Variants in CNKSR2 observed in about 807,000 individuals in gnomAD.
CNKSR2 encodes the protein connector enhancer of kinase suppressor of Ras 2, also known as CNK homolog protein 2.
CNKSR2 carries 14 observed loss-of-function variants against 84.4 expected under a neutral mutation model. The observed-to-expected ratio is 0.17, with a 90% confidence interval of 0.11 to 0.26. The LOEUF is 0.26. CNKSR2 is among the 10% of genes least tolerant of loss of function. CNKSR2 has a pLI of 1.00. For synonymous variants in CNKSR2, 275 were observed against 277.9 expected (o/e 0.99, Z 0.10); for missense variants, 485 against 771.2 (o/e 0.63, Z 4.40).
chrX:21,583,078 G>A (rs2092362921), intron 13 of CNKSR2, among the ~76,000 whole-genome samples: 1 of 111,415 alleles, frequency 9.0e-6, no homozygotes, highest in Non-Finnish European at 1.9e-5. Context: ...GCTTATTTTT[G>A]AGTAAGTGTG....
intron 4 of CNKSR2, among the ~76,000 whole-genome samples, chrX:21,453,071 A>T (rs2090956273): frequency 9.1e-6 from 1 of 110,494 alleles, no homozygotes; most frequent in Non-Finnish European, 1.9e-5. Flanking sequence ...TAATATCTTC[A>T]TCTTTTATTT....
intron 1 of CNKSR2, among the ~76,000 whole-genome samples, chrX:21,411,021 T>G (rs2090338232): frequency 9.0e-6 from 1 of 110,926 alleles, no homozygotes; most frequent in South Asian, 3.8e-4. Context: ...TCTGCAGTAC[T>G]TTTATACTAA....
chrX:21,484,957 G>C (rs1418179810), intron 5 of CNKSR2, among the ~76,000 whole-genome samples: 2 of 111,531 alleles, frequency 1.8e-5, no homozygotes, highest in African/African-American at 6.5e-5. Flanking sequence ...GCCAAGGCAG[G>C]CGAATCATGA....
chrX:21,516,722 T>C, intron 9 of CNKSR2, 91 bp downstream of exon 9: 8 of 826,011 alleles, frequency 9.7e-6, no homozygotes. Flanking sequence ...CTCAGCAGCA[T>C]ATGGATTAAT....
intron 6 of CNKSR2, chrX:21,495,627 A>G (rs2054922399): frequency 9.5e-6 from 1 of 105,426 alleles, no homozygotes; most frequent in African/African-American, 3.5e-5. Context: ...TACTAAAAAT[A>G]CAAAAATTAG....
At chrX:21,490,229 T>C (rs1039603106) in intron 5 of CNKSR2, among the ~76,000 whole-genome samples, 2 of 111,765 alleles carry the variant, frequency 1.8e-5, no homozygotes, top group African/African-American at 6.5e-5. Context: ...CCATAACTAA[T>C]GAATATTTTG....
intron 4 of CNKSR2, among the ~76,000 whole-genome samples, chrX:21,469,853 A>G (rs919854619): frequency 9.0e-5 from 10 of 110,981 alleles, no homozygotes; most frequent in African/African-American, 3.0e-4. Context: ...TGGAGGTTGC[A>G]GTGAGCCGAG....
At chrX:21,523,283 A>T (rs1418594555) in intron 9 of CNKSR2, among the ~76,000 whole-genome samples, 1 of 111,088 alleles carries the variant, frequency 9.0e-6, no homozygotes, top group Non-Finnish European at 1.9e-5. Flanking sequence ...TTGATTACAT[A>T]CCACAGAAGA....
intron 20 of CNKSR2, chrX:21,637,153 T>A (rs1473295972): frequency 1.8e-5 from 2 of 111,809 alleles, no homozygotes; most frequent in Non-Finnish European, 3.8e-5. Flanking sequence ...TGTGATAGAC[T>A]CCTGGATAAG....
intron 14 of CNKSR2, 74 bp downstream of exon 14, chrX:21,590,694 C>T: frequency 2.9e-6 from 3 of 1,049,872 alleles, no homozygotes; most frequent in East Asian, 6.2e-5. Context: ...CATCCATGCC[C>T]TCTTTCTTGC....
At chrX:21,452,966 T>C (rs1295032317) in intron 4 of CNKSR2, among the ~76,000 whole-genome samples, 1 of 109,622 alleles carries the variant, frequency 9.1e-6, no homozygotes, top group Non-Finnish European at 1.9e-5. Context: ...GTGCAATATA[T>C]GGTTTCTCTT....
At position 21,547,259 on chromosome X, in the gene CNKSR2, A is replaced by G. The variant is rs766806016; in HGVS notation, c.1304-14212A>G. Among the ~76,000 whole-genome samples, 3 of 110,563 alleles carry G rather than the reference A, an allele frequency of 2.7e-5. No homozygotes were observed. In the South Asian group the frequency reaches 1.2e-3, roughly 43 times the overall value. On this transcript the variant is annotated intron_variant, in intron 11 of 21. Coordinates refer to ENST00000379510, the MANE Select transcript of CNKSR2 (RefSeq NM_014927.5). ...ATTTACCAAGCAAATGGAAAGCAAG[A>G]AAAAAAAAGCAGGAGTTGCAATCCT...
At chrX:21,644,389 T>A (rs1462898390) in intron 20 of CNKSR2, 2 of 112,365 alleles carry the variant, frequency 1.8e-5, no homozygotes, top group East Asian at 5.5e-4. Flanking sequence ...ATTGGTTTAC[T>A]TATTTGTTTT....
At chrX:21,394,062 T>C (rs1409249593) in intron 1 of CNKSR2, among the ~76,000 whole-genome samples, 2 of 112,170 alleles carry the variant, frequency 1.8e-5, no homozygotes, top group African/African-American at 3.2e-5. Context: ...TTTGTATGTG[T>C]GTTTAATTCA....
At chrX:21,437,594 A>AT (rs1391340735) in intron 3 of CNKSR2, among the ~76,000 whole-genome samples, 2 of 108,115 alleles carry the variant, frequency 1.8e-5, no homozygotes, top group African/African-American at 6.7e-5. Flanking sequence ...TAATTTTTGT[A>AT]TTTTTAGAAG....
At chrX:21,411,636 C>T (rs1430134796) in intron 1 of CNKSR2, among the ~76,000 whole-genome samples, 1 of 110,847 alleles carries the variant, frequency 9.0e-6, no homozygotes, top group Non-Finnish European at 1.9e-5. Flanking sequence ...TCTTTCCTCC[C>T]TCTTTGGCTA....
intron 9 of CNKSR2, among the ~76,000 whole-genome samples, chrX:21,523,948 A>G (rs1460045293): frequency 9.0e-6 from 1 of 110,655 alleles, no homozygotes. Flanking sequence ...ATAATTTTAA[A>G]TTATCACAAA....
At chrX:21,455,151 A>G (rs1256697125) in intron 4 of CNKSR2, among the ~76,000 whole-genome samples, 1 of 111,821 alleles carries the variant, frequency 8.9e-6, no homozygotes, top group African/African-American at 3.2e-5. Context: ...TCAAAGGAAA[A>G]AAAGTAATCT....
At chrX:21,490,074 T>C (rs963303098) in intron 5 of CNKSR2, among the ~76,000 whole-genome samples, 2 of 111,666 alleles carry the variant, frequency 1.8e-5, no homozygotes, top group Non-Finnish European at 3.8e-5. Context: ...TTTTTTTAAC[T>C]TTTCTGACCA....
Sources: gnomAD v4.1 joint callset for allele counts (sites outside exome capture counted in the v4.1 genomes callset) on GRCh38, gnomAD v4.1.1 for gene constraint, MANE v1.5 for transcripts, NCBI Gene and HGNC (gene_info 2026-07-23, HGNC 2026-07-21) for gene names.